The following CACYBP variants were observed in gnomAD, a reference collection of about 807,000 sequenced individuals.
CACYBP encodes the protein calcyclin binding protein.
A neutral mutation model predicts 29.6 loss-of-function variants in CACYBP; 11 were observed. The ratio of observed to expected loss-of-function variants is 0.37; its 90% CI spans 0.23 to 0.61. The LOEUF is 0.61. Among genes scored for constraint, CACYBP ranks in the 20% least tolerant of loss-of-function variants. CACYBP has a pLI of 0.65. For synonymous variants in CACYBP, 73 were observed against 88.3 expected, an observed-to-expected ratio of 0.83 and a Z score of 0.97; for missense variants, 163 against 260.7, an observed-to-expected ratio of 0.63 and a Z score of 2.58.
chr1:174,999,664 A>G (rs2149408843), upstream of CACYBP: 1 of 233,348 alleles, frequency 4.3e-6, no homozygotes, highest in African/African-American at 2.4e-5. Flanking sequence ...TCTCTAGTCA[A>G]CTTCCGACTT....
Position 175,000,657 on chromosome 1 carries a change from G to C in CACYBP, c.15+462G>C, listed in dbSNP as rs554281401. The C allele has an allele frequency of 3.0e-6, 3 of 990,452 alleles. No individual in the cohort carries two copies. In the East Asian group the frequency reaches 3.3e-4, roughly 109 times the overall value. 61.4% of individuals were successfully genotyped at this position (990,452 alleles called of 1,614,324 possible). On this transcript the variant is annotated intron_variant, in intron 1 of 5. Coordinates refer to ENST00000367679, the MANE Select transcript of CACYBP (RefSeq NM_014412.3). ...TAGTCAGGTTTTCTCTACACACGAG[G>C]AGCTGTGTTACTCTGGGCAAGTTGT...
intron 5 of CACYBP, among the ~76,000 whole-genome samples, chr1:175,009,251 GT>G (rs1455795809): frequency 6.6e-6 from 1 of 152,062 alleles, no homozygotes; most frequent in Non-Finnish European, 1.5e-5. Flanking sequence ...CATGTGTAAT[GT>G]TTATGATTTT....
chr1:175,001,574 C>G (rs1454625347), intron 1 of CACYBP, among the ~76,000 whole-genome samples: 2 of 152,196 alleles, frequency 1.3e-5, no homozygotes, highest in African/African-American at 4.8e-5. Flanking sequence ...AATGGAGTCA[C>G]GCTGTATGTG....
At chr1:175,005,321 ATAACAAT>A (rs1381128034) in intron 2 of CACYBP, among the ~76,000 whole-genome samples, 16 of 134,158 alleles carry the variant, frequency 1.2e-4, no homozygotes, top group African/African-American at 6.1e-4. Flanking sequence ...AACTCGTAGT[ATAACAAT>A]GTAGTAATAC....
chr1:175,001,967 C>G (rs775160003), intron 1 of CACYBP, among the ~76,000 whole-genome samples: 1 of 152,178 alleles, frequency 6.6e-6, no homozygotes, highest in Non-Finnish European at 1.5e-5. Context: ...GTCTCGAACT[C>G]CTGATCTCAA....
intron 5 of CACYBP, among the ~76,000 whole-genome samples, chr1:175,009,665 A>AAG (rs1672701182): frequency 6.7e-6 from 1 of 148,384 alleles, no homozygotes; most frequent in Admixed American, 6.7e-5. Context: ...AAAAAAAAAA[A>AAG]TCATGGGAAA....
chr1:175,004,729 T>C lies in CACYBP; in HGVS notation c.131T>C (p.Met44Thr), dbSNP rs780915913. The change falls in exon 2 of 6, where the codon ATG becomes ACG. Residue 44 changes from methionine to threonine, a missense_variant. Transcript: ENST00000367679. ...ATTGAGACAGAAATCAAGAACAAGA[T>C]GCAACAGAAATCACAGAAGAAAGCA... Reference protein sequence around the residue: ...SKIETEIKNKMQQKSQKKAEL... With the variant: ...SKIETEIKNKTQQKSQKKAEL... 1.9e-6 allele frequency: 3 copies of C among 1,613,902 alleles called. No individual in the cohort carries two copies. The highest frequency in any genetic ancestry group is 2.5e-6 in the Non-Finnish European group (3 of 1,179,810).
intron 4 of CACYBP, among the ~76,000 whole-genome samples, chr1:175,008,171 G>T (rs941896457): frequency 6.6e-6 from 1 of 151,728 alleles, no homozygotes; most frequent in Non-Finnish European, 1.5e-5. Context: ...GCCTATCCCC[G>T]ACCCCTCTTA....
rs1050609649 is a variant in CACYBP, at chr1:175,011,697, T to C, written c.*1618T>C. On this transcript the variant is annotated 3_prime_UTR_variant, in exon 6 of 6. Coordinates refer to ENST00000367679, the MANE Select transcript of CACYBP (RefSeq NM_014412.3). ...CCTTGTTCAGAAGAGAATAAACCAGTGTTTTTACCTTTCACTTGAAAAAGA... is the reference window on the plus strand; with the variant it reads ...CCTTGTTCAGAAGAGAATAAACCAGCGTTTTTACCTTTCACTTGAAAAAGA... 4 of 152,232 alleles carry C rather than the reference T, an allele frequency of 2.6e-5. No individual in the cohort carries two copies. Among genetic ancestry groups the C allele is most frequent in the Non-Finnish European group, 5.9e-5 (4 of 68,050 alleles). 9.4% of individuals were successfully genotyped at this position (152,232 alleles called of 1,614,324 possible). A position where few individuals can be genotyped will look rare whatever the true frequency, so the allele number is the denominator to read the frequency against.
rs748320230 is a variant in CACYBP at position 175,011,929 on chromosome 1, C to CCTGT, written c.*1853_*1856dup. On this transcript the variant is annotated 3_prime_UTR_variant, in exon 6 of 6. Coordinates refer to ENST00000367679, the MANE Select transcript of CACYBP (RefSeq NM_014412.3). ...GACCATCTGGCCAACATGGTGAAAC[C>CCTGT]CTGTCTCTACTGAAAATAAAAAAAA... is the stretch of plus-strand genomic sequence containing the variant. 1.3e-5 allele frequency among the ~76,000 whole-genome samples: 2 copies of CCTGT among 152,154 alleles called. No homozygotes were observed. The highest frequency in any genetic ancestry group is 2.9e-5 in the Non-Finnish European group (2 of 68,030).
At chr1:175,009,140 TACTG>T (rs1672686065) in intron 5 of CACYBP, among the ~76,000 whole-genome samples, 1 of 152,212 alleles carries the variant, frequency 6.6e-6, no homozygotes, top group South Asian at 2.1e-4. Context: ...CTTCTAAAGG[TACTG>T]ACTAAATTAA....
intron 2 of CACYBP, 89 bp from the exon 3 acceptor site, chr1:175,006,656 C>A: frequency 1.6e-6 from 1 of 633,134 alleles, no homozygotes; most frequent in Non-Finnish European, 2.8e-6. Context: ...CATAATTTTA[C>A]TTTCCTGACT....
At chr1:175,003,818 A>C (rs1329748831) in intron 1 of CACYBP, among the ~76,000 whole-genome samples, 2 of 152,244 alleles carry the variant, frequency 1.3e-5, no homozygotes, top group Admixed American at 6.5e-5. Context: ...TTAACTCTTG[A>C]ATTTCATAAA....
In CACYBP at chr1:175,000,114, G is replaced by A. The variant is rs1427596632; in HGVS notation, c.-67G>A. 1 of 1,562,924 alleles carries A rather than the reference G, an allele frequency of 6.4e-7. No homozygotes were observed. Among genetic ancestry groups the A allele is most frequent in the Middle Eastern group, 1.7e-4 (1 of 5,884 alleles). ...GCGTCTGCGCTCGGTTTGAGGGCTC[G>A]GCGCGGGGTTTCCTGTTCCTCCTTC... On this transcript the variant is annotated 5_prime_UTR_variant, in exon 1 of 6. Transcript: ENST00000367679.
chr1:175,002,484 C>G (rs1672517080), intron 1 of CACYBP, among the ~76,000 whole-genome samples: 1 of 151,946 alleles, frequency 6.6e-6, no homozygotes, highest in South Asian at 2.1e-4. Flanking sequence ...GTTAATGCCT[C>G]CTAGTGAAAA....
At chr1:175,006,999 C>G in intron 3 of CACYBP, 99 bp from the exon 4 acceptor site, 1 of 906,266 alleles carries the variant, frequency 1.1e-6, no homozygotes, top group South Asian at 1.6e-5. Context: ...CAAATGCACA[C>G]CCTGAAATAA....
intron 1 of CACYBP, 46 bp downstream of exon 1, chr1:175,000,241 G>T: frequency 6.4e-7 from 1 of 1,571,798 alleles, no homozygotes; most frequent in East Asian, 2.4e-5. Flanking sequence ...GGCTGGAGCT[G>T]CAGCGCCAGC....
At chr1:175,005,843 TG>T (rs1672608130) in intron 2 of CACYBP, among the ~76,000 whole-genome samples, 1 of 152,172 alleles carries the variant, frequency 6.6e-6, no homozygotes, top group Non-Finnish European at 1.5e-5. Flanking sequence ...TATTAATAAA[TG>T]AAGTTCTCTG....
intron 1 of CACYBP, among the ~76,000 whole-genome samples, chr1:175,003,385 C>T (rs1448860631): frequency 6.6e-6 from 1 of 152,166 alleles, no homozygotes; most frequent in East Asian, 1.9e-4. Context: ...TCCCAAAGTA[C>T]TGGGATTACA....
Sources: allele counts gnomAD v4.1 joint callset (sites outside exome capture counted in the v4.1 genomes callset), GRCh38; gene constraint gnomAD v4.1.1; transcripts MANE v1.5; gene names NCBI Gene and HGNC (gene_info 2026-07-23, HGNC 2026-07-21).